Variants in KLHL18 observed in about 807,000 individuals in gnomAD.
KLHL18 encodes kelch-like protein 18.
A neutral mutation model predicts 58.5 loss-of-function variants in KLHL18; 38 were observed. That is an observed-to-expected ratio of 0.65 (90% confidence interval 0.50 to 0.85). The LOEUF (loss-of-function observed/expected upper bound fraction) is 0.85, where lower values mean the gene tolerates loss of function less well. Among genes scored for constraint, KLHL18 ranks in the 40% least tolerant of loss-of-function variants. The pLI, the probability that KLHL18 is intolerant of heterozygous loss-of-function variation, is 0.00. For missense variants in KLHL18, 624 were observed against 778.4 expected (o/e 0.80, Z 2.36); for synonymous variants, 303 against 301.9 (o/e 1.00, Z -0.04).
At chr3:47,324,696 A>G (rs897001702) in intron 3 of KLHL18, among the ~76,000 whole-genome samples, 11 of 152,026 alleles carry the variant, frequency 7.2e-5, no homozygotes, top group African/African-American at 1.9e-4. Context: ...TAATTAGTCA[A>G]GTGCAGTGGC....
At chr3:47,294,970 G>T (rs1702867189) in intron 1 of KLHL18, among the ~76,000 whole-genome samples, 1 of 151,396 alleles carries the variant, frequency 6.6e-6, no homozygotes, top group Non-Finnish European at 1.5e-5. Context: ...TGTCAGCGGA[G>T]CCGTGAGTCG....
rs1477957382 is a variant in KLHL18 at position 47,336,760 on chromosome 3, AT to A, written c.1121+5del. 1 of 1,612,352 alleles carries A rather than the reference AT, an allele frequency of 6.2e-7. No individual in the cohort carries two copies. Among genetic ancestry groups the A allele is most frequent in the Non-Finnish European group, 8.5e-7 (1 of 1,178,476 alleles). On this transcript the variant is annotated splice_donor_region_variant and intron_variant, in intron 7 of 9. Coordinates refer to ENST00000232766, the MANE Select transcript of KLHL18 (RefSeq NM_025010.5). ...GGGAGCATGAATAGCAAGAGAAGGT[AT>A]TCTGGAAGCCACGTGCAGCCCGAAC... is the stretch of plus-strand genomic sequence containing the variant.
chr3:47,295,802 A>C (rs962352129), intron 1 of KLHL18, among the ~76,000 whole-genome samples: 2 of 151,808 alleles, frequency 1.3e-5, no homozygotes, highest in Non-Finnish European at 2.9e-5. Flanking sequence ...CTGGTCTCGA[A>C]CTCCTGGCCT....
chr3:47,316,202 A>C lies in KLHL18; in HGVS notation c.130-3451A>C, dbSNP rs527609206. On this transcript the variant is annotated intron_variant, in intron 1 of 9. Coordinates refer to ENST00000232766, the MANE Select transcript of KLHL18 (RefSeq NM_025010.5). ...GATTGATACAGCACAATAAAAGAAA[A>C]CCAATACCAAGATACAATACTGTGA... 2.0e-5 allele frequency among the ~76,000 whole-genome samples: 3 copies of C among 152,188 alleles called. No homozygotes were observed. The East Asian group carries it at 5.8e-4, about 29-fold the overall frequency.
intron 1 of KLHL18, among the ~76,000 whole-genome samples, chr3:47,308,924 G>T (rs542844048): frequency 6.6e-6 from 1 of 152,132 alleles, no homozygotes; most frequent in African/African-American, 2.4e-5. Context: ...GGGGCCTTCC[G>T]CAGTGTTTGT....
chr3:47,301,067 T>C (rs1365590226), intron 1 of KLHL18, among the ~76,000 whole-genome samples: 1 of 152,202 alleles, frequency 6.6e-6, no homozygotes, highest in African/African-American at 2.4e-5. Context: ...ATTTTCTCAT[T>C]GGATTGTTTT....
chr3:47,300,637 C>CTTTTTTTTTTTTTTT (rs10687949), intron 1 of KLHL18, among the ~76,000 whole-genome samples: 2 of 76,940 alleles, frequency 2.6e-5, no homozygotes, highest in Non-Finnish European at 4.6e-5. Context: ...CATTGTGATT[C>CTTTTTTTTTTTTTTT]TTTTTTTTTT....
intron 3 of KLHL18, among the ~76,000 whole-genome samples, chr3:47,326,883 T>C (rs1034700565): frequency 6.6e-6 from 1 of 150,398 alleles, no homozygotes; most frequent in Non-Finnish European, 1.5e-5. Flanking sequence ...ATCGTGCCAT[T>C]GCACTCCAGC....
intron 1 of KLHL18, among the ~76,000 whole-genome samples, chr3:47,308,168 A>T (rs1272000112): frequency 6.6e-6 from 1 of 150,658 alleles, no homozygotes. Flanking sequence ...TCTTAACCCC[A>T]CTGATCCCAA....
At chr3:47,317,716 A>G (rs1304595549) in intron 1 of KLHL18, among the ~76,000 whole-genome samples, 1 of 152,224 alleles carries the variant, frequency 6.6e-6, no homozygotes, top group Non-Finnish European at 1.5e-5. Context: ...AACTCTTCAT[A>G]TTAATTTAAC....
intron 1 of KLHL18, among the ~76,000 whole-genome samples, chr3:47,301,591 C>T (rs964306139): frequency 3.3e-5 from 5 of 152,058 alleles, no homozygotes; most frequent in Non-Finnish European, 7.4e-5. Flanking sequence ...TGTTCCTGTC[C>T]CTTCACCAAT....
At chr3:47,324,037 G>T (rs919941448) in intron 3 of KLHL18, among the ~76,000 whole-genome samples, 1 of 152,138 alleles carries the variant, frequency 6.6e-6, no homozygotes, top group Non-Finnish European at 1.5e-5. Context: ...TGAACACTGG[G>T]TAAAGGGTTT....
intron 3 of KLHL18, among the ~76,000 whole-genome samples, chr3:47,324,215 T>G (rs1213545733): frequency 1.3e-5 from 2 of 151,666 alleles, no homozygotes; most frequent in Non-Finnish European, 2.9e-5. Flanking sequence ...TTTGTGAGCT[T>G]TTTAAGACAC....
At chr3:47,298,457 A>G (rs1280688891) in intron 1 of KLHL18, among the ~76,000 whole-genome samples, 1 of 152,174 alleles carries the variant, frequency 6.6e-6, no homozygotes, top group African/African-American at 2.4e-5. Flanking sequence ...ACCAGACTCA[A>G]TTATATGTTG....
chr3:47,340,760 C>T, intron 8 of KLHL18, 84 bp downstream of exon 8: 2 of 1,488,928 alleles, frequency 1.3e-6, no homozygotes, highest in Non-Finnish European at 1.9e-6. Flanking sequence ...TTAATTTAAG[C>T]TTCTCAAGGG....
chr3:47,297,523 C>G (rs545716735), intron 1 of KLHL18: 11 of 456,522 alleles, frequency 2.4e-5, no homozygotes, highest in Non-Finnish European at 4.0e-5. Context: ...CAAATTGACC[C>G]TAAGCCTCAC....
At chr3:47,341,028 G>A (rs1704098323) in intron 8 of KLHL18, among the ~76,000 whole-genome samples, 1 of 152,004 alleles carries the variant, frequency 6.6e-6, no homozygotes, top group Non-Finnish European at 1.5e-5. Flanking sequence ...AAAAAAAAAT[G>A]TTTTTAAGTT....
rs140374026 is a variant in KLHL18 at position 47,331,745 on chromosome 3, T to A, written c.601-1412T>A. ...ACTGCGCCAGGCCCGACCTTTTTTT[T>A]TTTTTTTTAAAGTGAGAGAAATTAC... is the stretch of plus-strand genomic sequence containing the variant. On this transcript the variant is annotated intron_variant, in intron 4 of 9. Coordinates refer to ENST00000232766, the MANE Select transcript of KLHL18 (RefSeq NM_025010.5). 2.2e-3 allele frequency among the ~76,000 whole-genome samples: 340 copies of A among 151,974 alleles called. 1 individual carries two copies. Among genetic ancestry groups the A allele is most frequent in the African/African-American group, 7.6e-3 (316 of 41,438 alleles).
chr3:47,307,638 C>G (rs561343621), intron 1 of KLHL18, among the ~76,000 whole-genome samples: 1 of 152,048 alleles, frequency 6.6e-6, no homozygotes, highest in African/African-American at 2.4e-5. Flanking sequence ...AGTCCTCCCA[C>G]CTCGGCCTCC....
Sources: gnomAD v4.1 joint callset for allele counts (sites outside exome capture counted in the v4.1 genomes callset) on GRCh38, gnomAD v4.1.1 for gene constraint, MANE v1.5 for transcripts, NCBI Gene and HGNC (gene_info 2026-07-23, HGNC 2026-07-21) for gene names.